Variants in LHFPL2 observed in about 807,000 individuals in gnomAD.
LHFPL2 encodes LHFPL tetraspan subfamily member 2 protein.
A neutral mutation model predicts 17.5 loss-of-function variants in LHFPL2; 7 were observed. The ratio of observed to expected loss-of-function variants is 0.40; its 90% CI spans 0.23 to 0.75. The LOEUF is 0.75. Among genes scored for constraint, LHFPL2 ranks in the 30% least tolerant of loss-of-function variants. The pLI is 0.37. For missense variants in LHFPL2, 241 were observed against 294.8 expected (o/e 0.82, Z 1.34); for synonymous variants, 134 against 116.2 (o/e 1.15, Z -0.99).
chr5:78,515,161 C>G (rs1299471390), intron 3 of LHFPL2, among the ~76,000 whole-genome samples: 1 of 152,198 alleles, frequency 6.6e-6, no homozygotes, highest in Non-Finnish European at 1.5e-5. Context: ...TACCCCTGCC[C>G]TGTTTTTAAT....
chr5:78,542,570 C>T lies in LHFPL2; in HGVS notation c.-186+22243G>A, dbSNP rs115838592. ...TGCTGAAGCCCACCTCCACGCCGTG[C>T]TCATGCCACCTCTTCCACCCTCATC... On this transcript the variant is annotated intron_variant, in intron 3 of 4. Transcript: ENST00000380345. 8.4e-3 allele frequency among the ~76,000 whole-genome samples: 1,275 copies of T among 152,276 alleles called. 9 individuals are homozygous for T. The highest frequency in any genetic ancestry group is 0.011 in the Non-Finnish European group (772 of 68,018).
In LHFPL2 at chr5:78,629,807, G is replaced by A. The variant is rs893917656; in HGVS notation, c.-245+2457C>T. On this transcript the variant is annotated intron_variant, in intron 2 of 4. Transcript: ENST00000380345. ...ACCCTGGACACAAGGGGCCCATGTT[G>A]GACAGTGTCTTTGGATCAAGGCCAA... is the stretch of plus-strand genomic sequence containing the variant. 5.3e-5 allele frequency among the ~76,000 whole-genome samples: 8 copies of A among 152,244 alleles called. 1 individual carries two copies. The South Asian group carries it at 1.7e-3, about 32-fold the overall frequency.
At chr5:78,555,115 A>T (rs1756538495) in intron 3 of LHFPL2, among the ~76,000 whole-genome samples, 1 of 152,236 alleles carries the variant, frequency 6.6e-6, no homozygotes, top group African/African-American at 2.4e-5. Flanking sequence ...TGCATATTGA[A>T]ATATGGAAAT....
chr5:78,618,504 A>G lies in LHFPL2; in HGVS notation c.-245+13760T>C, dbSNP rs191365369. The stretch of plus-strand genomic sequence containing the variant: ...TGGGGATAGCTGGAAGGCTGGGTCC[A>G]GATAAGAACATCCACTGAAGCGCCC... On this transcript the variant is annotated intron_variant, in intron 2 of 4. Transcript: ENST00000380345. Among the ~76,000 whole-genome samples the G allele has an allele frequency of 3.4e-3, 519 of 152,340 alleles. 4 individuals are homozygous for G. The highest frequency in any genetic ancestry group is 0.012 in the African/African-American group (504 of 41,580).
intron 4 of LHFPL2, among the ~76,000 whole-genome samples, chr5:78,498,292 T>C (rs1329660041): frequency 1.3e-5 from 2 of 152,288 alleles, no homozygotes; most frequent in African/African-American, 4.8e-5. Context: ...CTGTTTCCAG[T>C]AGATGTTTAG....
chr5:78,507,021 A>G (rs1423791298), intron 4 of LHFPL2, among the ~76,000 whole-genome samples: 2 of 152,168 alleles, frequency 1.3e-5, no homozygotes. Context: ...CCTTGTGCAG[A>G]GAGAAAAGTC....
At chr5:78,579,407 A>C (rs1247788320) in intron 2 of LHFPL2, among the ~76,000 whole-genome samples, 2 of 152,050 alleles carry the variant, frequency 1.3e-5, no homozygotes, top group Non-Finnish European at 1.5e-5. Flanking sequence ...TTAGTTACAT[A>C]TGTATACATG....
intron 3 of LHFPL2, among the ~76,000 whole-genome samples, chr5:78,542,306 T>C (rs775566996): frequency 7.2e-5 from 11 of 152,144 alleles, no homozygotes; most frequent in Non-Finnish European, 1.5e-4. Context: ...ACCACACCAG[T>C]AGGCCAATCA....
At chr5:78,504,895 G>C (rs1204495785) in intron 4 of LHFPL2, among the ~76,000 whole-genome samples, 1 of 152,216 alleles carries the variant, frequency 6.6e-6, no homozygotes, top group Non-Finnish European at 1.5e-5. Flanking sequence ...GCTGGACTGA[G>C]ACCCATGCAG....
intron 3 of LHFPL2, among the ~76,000 whole-genome samples, chr5:78,540,570 C>T (rs1183099246): frequency 6.6e-6 from 1 of 152,200 alleles, no homozygotes; most frequent in Non-Finnish European, 1.5e-5. Context: ...AGGGGCCCCA[C>T]ACTGGTGATG....
chr5:78,634,444 A>G (rs1465546753), intron 1 of LHFPL2, among the ~76,000 whole-genome samples: 1 of 152,180 alleles, frequency 6.6e-6, no homozygotes, highest in Non-Finnish European at 1.5e-5. Flanking sequence ...TGGGCAGCAC[A>G]CTGTGTTTGC....
At chr5:78,591,032 A>G (rs1287754677) in intron 2 of LHFPL2, among the ~76,000 whole-genome samples, 1 of 150,728 alleles carries the variant, frequency 6.6e-6, no homozygotes, top group African/African-American at 2.4e-5. Context: ...TGCCATAAAA[A>G]GTTAGCCAAA....
chr5:78,583,962 A>C (rs201694070), intron 2 of LHFPL2, among the ~76,000 whole-genome samples: 3,690 of 151,336 alleles, frequency 0.024, 123 homozygotes, highest in African/African-American at 0.082. Context: ...TCCCATATTT[A>C]TTGGAGGCTT....
intron 3 of LHFPL2, among the ~76,000 whole-genome samples, chr5:78,515,356 G>A (rs143842002): frequency 8.8e-4 from 134 of 152,198 alleles, no homozygotes; most frequent in African/African-American, 2.8e-3. Context: ...TGGATTTGTC[G>A]ATTTCCTCAT....
intron 3 of LHFPL2, among the ~76,000 whole-genome samples, chr5:78,534,319 G>A (rs564875314): frequency 4.4e-4 from 67 of 152,314 alleles, no homozygotes; most frequent in South Asian, 1.9e-3. Context: ...CCATGACGCC[G>A]AGAGGGAGAA....
chr5:78,582,928 T>C (rs1743203783), intron 2 of LHFPL2, among the ~76,000 whole-genome samples: 1 of 152,180 alleles, frequency 6.6e-6, no homozygotes, highest in Non-Finnish European at 1.5e-5. Context: ...TCTAAGTGTC[T>C]TTGTAGGTCA....
At chr5:78,590,673 G>A (rs6884350) in intron 2 of LHFPL2, among the ~76,000 whole-genome samples, 58,103 of 152,012 alleles carry the variant, frequency 0.38, 11,886 homozygotes, top group Middle Eastern at 0.48. Flanking sequence ...CTCATGCTAC[G>A]AAGGGCCTTT....
chr5:78,567,401 T>C (rs982380499), intron 2 of LHFPL2, among the ~76,000 whole-genome samples: 2 of 152,164 alleles, frequency 1.3e-5, no homozygotes, highest in Non-Finnish European at 2.9e-5. Flanking sequence ...AAATACAGTA[T>C]ACTAAAAATA....
chr5:78,563,700 CAAAAA>C (rs1198192351), intron 3 of LHFPL2, among the ~76,000 whole-genome samples: 1 of 93,318 alleles, frequency 1.1e-5, no homozygotes. Context: ...GACTCCACTT[CAAAAA>C]AAAAAAAAAA....
Sources: allele counts gnomAD v4.1 joint callset (sites outside exome capture counted in the v4.1 genomes callset), GRCh38; gene constraint gnomAD v4.1.1; transcripts MANE v1.5; gene names NCBI Gene and HGNC (gene_info 2026-07-23, HGNC 2026-07-21).